ASRGL1: variants seen among roughly 807,000 people sequenced by gnomAD.
The protein encoded by ASRGL1 is asparaginase and isoaspartyl peptidase 1.
A neutral mutation model predicts 22.4 loss-of-function variants in ASRGL1; 16 were observed. That is an observed-to-expected ratio of 0.71 (90% CI 0.48 to 1.08). The LOEUF (loss-of-function observed/expected upper bound fraction) is 1.08. ASRGL1 is among the 50% of genes least tolerant of loss of function. The pLI, the probability that ASRGL1 is intolerant of heterozygous loss-of-function variation, is 0.00. For synonymous variants in ASRGL1, 165 were observed against 159.3 expected, an observed-to-expected ratio of 1.04 and a Z score of -0.27; for missense variants, 412 against 410.1, an observed-to-expected ratio of 1.00 and a Z score of -0.04.
chr11:62,346,210 A>C (rs1318481739), intron 2 of ASRGL1, among the ~76,000 whole-genome samples: 1 of 152,176 alleles, frequency 6.6e-6, no homozygotes, highest in Admixed American at 6.5e-5. Flanking sequence ...CCTCGAATTC[A>C]GTTAATTTGC....
intron 2 of ASRGL1, among the ~76,000 whole-genome samples, chr11:62,346,902 A>G (rs1207364542): frequency 6.6e-6 from 1 of 151,876 alleles, no homozygotes; most frequent in Non-Finnish European, 1.5e-5. Context: ...CCTGAGAGAC[A>G]GAGGTTGCAG....
chr11:62,379,948 A>T (rs1432783519), intron 4 of ASRGL1, among the ~76,000 whole-genome samples: 3 of 151,736 alleles, frequency 2.0e-5, no homozygotes, highest in Non-Finnish European at 4.4e-5. Flanking sequence ...TCTTTTTTAC[A>T]TCTTGGACAT....
chr11:62,381,663 GA>G (rs1460444946), intron 4 of ASRGL1: 2 of 152,096 alleles, frequency 1.3e-5, no homozygotes, highest in African/African-American at 4.8e-5. Context: ...ACCATGGGCA[GA>G]ATTGTTCTAC....
intron 4 of ASRGL1, among the ~76,000 whole-genome samples, chr11:62,364,521 A>G (rs1047925211): frequency 1.3e-5 from 2 of 152,238 alleles, no homozygotes. Context: ...TGAAATCACC[A>G]TTTAGTAAAG....
At chr11:62,372,950 G>C in intron 4 of ASRGL1, 3 of 1,501,402 alleles carry the variant, frequency 2.0e-6, no homozygotes, top group Non-Finnish European at 1.9e-6. Flanking sequence ...CAGCCGATGA[G>C]AGCACCATCA....
chr11:62,371,929 G>A, intron 4 of ASRGL1: 1 of 591,494 alleles, frequency 1.7e-6, no homozygotes, highest in Non-Finnish European at 3.0e-6. Flanking sequence ...ACTCTAGCCT[G>A]GGCAACAGAG....
rs372719075 is a variant in ASRGL1 at position 62,386,995 on chromosome 11, C to T, written c.492-2138C>T. 7.2e-5 allele frequency among the ~76,000 whole-genome samples: 11 copies of T among 151,736 alleles called. No homozygotes were observed. The South Asian group carries it at 1.5e-3, about 20-fold the overall frequency. On this transcript the variant is annotated intron_variant, in intron 4 of 6. Coordinates refer to ENST00000415229, the MANE Select transcript of ASRGL1 (RefSeq NM_001083926.2). ...GCAGCCTCCACCTCCTGGGTTCAAG[C>T]GATTCTTCTGCCTCAGCCTCCCAAA...
intron 4 of ASRGL1, among the ~76,000 whole-genome samples, chr11:62,375,130 G>A (rs1946879789): frequency 6.6e-6 from 1 of 152,056 alleles, no homozygotes; most frequent in South Asian, 2.1e-4. Context: ...GCAGGAAAGG[G>A]ATCTTCAAAG....
intron 4 of ASRGL1, among the ~76,000 whole-genome samples, chr11:62,388,767 GTC>G (rs1306856422): frequency 6.6e-6 from 1 of 151,356 alleles, no homozygotes; most frequent in East Asian, 1.9e-4. Flanking sequence ...CAGCTTCAGA[GTC>G]TCTGTGGGCC....
intron 4 of ASRGL1, among the ~76,000 whole-genome samples, chr11:62,362,057 A>G (rs1946447368): frequency 6.6e-6 from 1 of 152,198 alleles, no homozygotes; most frequent in African/African-American, 2.4e-5. Flanking sequence ...TGTACAAGCA[A>G]GAAGCTTGGC....
rs1283839961 is a variant in ASRGL1, at chr11:62,337,967, G to T, written c.-11G>T. ...ACGCTTTCGCCTTCCTGCTGCCTAG[G>T]ATCCGCCGACATGAATCCCATCGTA... On this transcript the variant is annotated 5_prime_UTR_variant, in exon 2 of 7. Transcript: ENST00000415229. 3.2e-6 allele frequency: 5 copies of T among 1,586,096 alleles called. No individual in the cohort carries two copies. The South Asian group carries it at 4.6e-5, about 15-fold the overall frequency.
chr11:62,376,604 G>A (rs1214025308), intron 4 of ASRGL1, among the ~76,000 whole-genome samples: 1 of 152,102 alleles, frequency 6.6e-6, no homozygotes, highest in African/African-American at 2.4e-5. Flanking sequence ...AAAGTATAGA[G>A]TGCTAGATTA....
At chr11:62,396,026 G>C (rs1036315265), downstream of ASRGL1, among the ~76,000 whole-genome samples, 2 of 151,764 alleles carry the variant, frequency 1.3e-5, no homozygotes, top group African/African-American at 4.8e-5. Context: ...CACCCACCTC[G>C]GCCCCCCAAA....
chr11:62,374,288 C>T (rs1283225635), intron 4 of ASRGL1, among the ~76,000 whole-genome samples: 1 of 152,156 alleles, frequency 6.6e-6, no homozygotes, highest in East Asian at 1.9e-4. Flanking sequence ...GTCAAGTGCC[C>T]GTGCCCAAGC....
chr11:62,372,319 G>A, intron 4 of ASRGL1: 1 of 1,601,918 alleles, frequency 6.2e-7, no homozygotes, highest in Non-Finnish European at 8.5e-7. Context: ...CTGGGCCTTG[G>A]CAACTAGACA....
intron 2 of ASRGL1, among the ~76,000 whole-genome samples, chr11:62,350,104 C>T (rs757731333): frequency 9.9e-5 from 15 of 152,260 alleles, no homozygotes; most frequent in Non-Finnish European, 1.6e-4. Flanking sequence ...GAATGCCTGC[C>T]GCCCAGCAGG....
chr11:62,367,979 A>T (rs937317897), intron 4 of ASRGL1, among the ~76,000 whole-genome samples: 4 of 150,626 alleles, frequency 2.7e-5, no homozygotes, highest in African/African-American at 4.9e-5. Context: ...AAAATTTTTA[A>T]TTTTTTTTTT....
At chr11:62,371,989 A>C (rs1946783613) in intron 4 of ASRGL1, 2 of 655,122 alleles carry the variant, frequency 3.1e-6, no homozygotes, top group Non-Finnish European at 5.5e-6. Flanking sequence ...CTAAACAGGA[A>C]GCTGCGTACG....
chr11:62,377,509 G>C (rs934158974), intron 4 of ASRGL1, among the ~76,000 whole-genome samples: 1 of 152,132 alleles, frequency 6.6e-6, no homozygotes, highest in Non-Finnish European at 1.5e-5. Flanking sequence ...CCCTATGTAA[G>C]CTGCCTTTCC....
Sources: allele counts gnomAD v4.1 joint callset (sites outside exome capture counted in the v4.1 genomes callset), GRCh38; gene constraint gnomAD v4.1.1; transcripts MANE v1.5; gene names NCBI Gene and HGNC (gene_info 2026-07-23, HGNC 2026-07-21).